The following ZNF503 variants were observed in gnomAD, a reference collection of about 807,000 sequenced individuals.
ZNF503 encodes the protein NocA-like zinc finger 2.
Under a neutral mutation model 34.4 loss-of-function variants are expected in ZNF503, and 15 were observed. That is an observed-to-expected ratio of 0.44 (90% CI 0.29 to 0.67). The LOEUF is 0.67. Ranked by LOEUF, ZNF503 falls within the 30% of genes least tolerant of loss-of-function variation. The pLI is 0.13. For missense variants in ZNF503, 1,007 were observed against 926.8 expected, an observed-to-expected ratio of 1.09 and a Z score of -1.12; for synonymous variants, 580 against 456.8, an observed-to-expected ratio of 1.27 and a Z score of -3.44.
chr10:75,378,632 G>T, the ZNF503 span, among the ~76,000 whole-genome samples: 34 of 152,256 alleles, frequency 2.2e-4, no homozygotes, highest in Admixed American at 7.8e-4. Flanking sequence ...ATGGCCTGTT[G>T]AGGGGAAGTG....
At chr10:75,383,000 T>C in the ZNF503 span, among the ~76,000 whole-genome samples, 2 of 152,202 alleles carry the variant, frequency 1.3e-5, no homozygotes, top group Non-Finnish European at 2.9e-5. Flanking sequence ...TGCATCCTTC[T>C]TACTGATATC....
chr10:75,395,383 C>T (rs142961596), downstream of ZNF503, among the ~76,000 whole-genome samples: 429 of 152,322 alleles, frequency 2.8e-3, 2 homozygotes, highest in African/African-American at 9.9e-3. This position sits in a 1 kb window ranked among gnomAD's most constrained non-coding sequence, Gnocchi z 4.4. Context: ...CTCCCAAAGC[C>T]ACGCGAAAGT....
chr10:75,318,494 C>T, the ZNF503 span, among the ~76,000 whole-genome samples: 1 of 151,850 alleles, frequency 6.6e-6, no homozygotes, highest in Non-Finnish European at 1.5e-5. Flanking sequence ...CATAGTGAGA[C>T]CCTGTCTCTA....
chr10:75,398,685 C>T lies in ZNF503; in HGVS notation c.*64G>A. ...GTCAGCAGCCTGGGCCGTGATCCCG[C>T]CTCTCCCTGGACTCCTCCCCTCCCC... On this transcript the variant is annotated 3_prime_UTR_variant, in exon 2 of 2. Transcript: ENST00000372524. 7.7e-7 allele frequency: 1 copy of T among 1,304,782 alleles called. No individual in the cohort carries two copies. Among genetic ancestry groups the T allele is most frequent in the South Asian group, 2.6e-5 (1 of 39,158 alleles). The allele number at this position is 1,304,782 out of a possible 1,614,324, so 80.8% of individuals were successfully genotyped here. A position where few individuals can be genotyped will look rare whatever the true frequency, so the allele number is the denominator to read the frequency against.
the ZNF503 span, among the ~76,000 whole-genome samples, chr10:75,345,480 C>T: frequency 6.6e-6 from 1 of 151,538 alleles, no homozygotes; most frequent in Non-Finnish European, 1.5e-5. Flanking sequence ...ACTAAAAATA[C>T]AAAAATTAGC....
At chr10:75,323,998 A>T in the ZNF503 span, among the ~76,000 whole-genome samples, 1 of 151,556 alleles carries the variant, frequency 6.6e-6, no homozygotes. Context: ...TCTCAAAAAA[A>T]AAAAAAAAAA....
At position 75,401,577 on chromosome 10, in the gene ZNF503, C is replaced by T. The variant is rs1354921980; in HGVS notation, c.-158G>A. ...CAGCGCGCCTTCTCGGCGCCTGGAG[C>T]CAGACGCGAGTAATCCTGGGTGGCC... On this transcript the variant is annotated 5_prime_UTR_variant, in exon 1 of 2. Transcript: ENST00000372524. The T allele has an allele frequency of 1.2e-6, 1 of 861,046 alleles. No homozygotes were observed. The highest frequency in any genetic ancestry group is 1.8e-6 in the Non-Finnish European group (1 of 564,294). The allele number at this position is 861,046 out of a possible 1,614,324, so 53.3% of individuals were successfully genotyped here.
the ZNF503 span, among the ~76,000 whole-genome samples, chr10:75,391,259 G>T: frequency 6.6e-6 from 1 of 152,318 alleles, no homozygotes; most frequent in African/African-American, 2.4e-5. Context: ...ACAATGAGGT[G>T]CAGGCTGAGG....
the ZNF503 span, among the ~76,000 whole-genome samples, chr10:75,389,928 T>C: frequency 6.6e-6 from 1 of 152,172 alleles, no homozygotes; most frequent in South Asian, 2.1e-4. Flanking sequence ...AGTCTCGCTC[T>C]GTTGCCTAGG....
At chr10:75,315,483 T>A in the ZNF503 span, among the ~76,000 whole-genome samples, 3 of 152,252 alleles carry the variant, frequency 2.0e-5, no homozygotes, top group Admixed American at 2.0e-4. Flanking sequence ...GTGGAGTTTC[T>A]ATATGTGATT....
chr10:75,372,825 C>G, the ZNF503 span, among the ~76,000 whole-genome samples: 1 of 152,160 alleles, frequency 6.6e-6, no homozygotes, highest in Non-Finnish European at 1.5e-5. Context: ...CCCATGGCAC[C>G]CTGAACCCAT....
chr10:75,372,948 T>C, the ZNF503 span, among the ~76,000 whole-genome samples: 1 of 152,134 alleles, frequency 6.6e-6, no homozygotes, highest in East Asian at 1.9e-4. Context: ...CCTGTATCCT[T>C]GAGAGCTTCC....
chr10:75,329,324 G>GT, the ZNF503 span, among the ~76,000 whole-genome samples: 15 of 150,000 alleles, frequency 1.0e-4, no homozygotes, highest in South Asian at 2.1e-4. Flanking sequence ...CACTTTCAGG[G>GT]TTTTTTTTTC....
the ZNF503 span, among the ~76,000 whole-genome samples, chr10:75,297,663 A>G: frequency 6.6e-6 from 1 of 152,236 alleles, no homozygotes; most frequent in South Asian, 2.1e-4. Context: ...CAGCTTCTGT[A>G]ACTCGTTAAT....
chr10:75,324,391 T>A, the ZNF503 span, among the ~76,000 whole-genome samples: 1 of 151,812 alleles, frequency 6.6e-6, no homozygotes, highest in African/African-American at 2.4e-5. Context: ...TGCAAAAGTG[T>A]GGTCATTGCT....
At chr10:75,392,845 C>T (rs577072623), downstream of ZNF503, among the ~76,000 whole-genome samples, 2 of 152,318 alleles carry the variant, frequency 1.3e-5, no homozygotes, top group Admixed American at 1.3e-4. Flanking sequence ...ATGAACTAGG[C>T]AGTAGGTTGG....
chr10:75,390,079 A>G, the ZNF503 span, among the ~76,000 whole-genome samples: 2 of 151,670 alleles, frequency 1.3e-5, no homozygotes, highest in Non-Finnish European at 2.9e-5. Flanking sequence ...TTGTATTTTT[A>G]GTGGAGACGG....
At chr10:75,395,433 C>T (rs771054852), downstream of ZNF503, among the ~76,000 whole-genome samples, 25 of 152,308 alleles carry the variant, frequency 1.6e-4, 1 homozygote, top group Non-Finnish European at 2.9e-4. This position sits in a 1 kb window ranked among gnomAD's most constrained non-coding sequence, Gnocchi z 4.4. Context: ...AGCCGGCTGC[C>T]CGCGCGCTGG....
chr10:75,362,849 C>G, the ZNF503 span, among the ~76,000 whole-genome samples: 3 of 152,146 alleles, frequency 2.0e-5, no homozygotes, highest in Non-Finnish European at 4.4e-5. Flanking sequence ...GGAATCGAGG[C>G]TCCCCGTTCC....
Sources: allele counts gnomAD v4.1 joint callset (sites outside exome capture counted in the v4.1 genomes callset), GRCh38; gene constraint gnomAD v4.1.1; non-coding constraint Gnocchi (gnomAD v3.1); transcripts MANE v1.5; gene names NCBI Gene and HGNC (gene_info 2026-07-23, HGNC 2026-07-21).